Variants in ACTR3C observed in about 807,000 individuals in gnomAD.
The protein encoded by ACTR3C is actin related protein 3C, also known as actin-related protein 3C.
Under a neutral mutation model 26.3 loss-of-function variants are expected in ACTR3C, and 18 were observed. That is an observed-to-expected ratio of 0.68 (90% CI 0.47 to 1.01). The LOEUF is 1.01. Among genes scored for constraint, ACTR3C ranks in the 50% least tolerant of loss-of-function variants. The probability of loss-of-function intolerance (pLI) is 0.00; values close to 1 mark genes in which losing one functional copy is unlikely to be tolerated. For missense variants in ACTR3C, 184 were observed against 250.7 expected (o/e 0.73, Z 1.80); for synonymous variants, 55 against 94.5 (o/e 0.58, Z 2.42).
the ACTR3C span, among the ~76,000 whole-genome samples, chr7:150,207,901 T>A: frequency 1.3e-5 from 2 of 149,658 alleles, no homozygotes; most frequent in African/African-American, 5.1e-5. Flanking sequence ...GCCCATTTTA[T>A]TTTAAAGTCA....
chr7:149,952,538 A>T, the ACTR3C span, among the ~76,000 whole-genome samples: 1 of 145,038 alleles, frequency 6.9e-6, no homozygotes, highest in African/African-American at 2.7e-5. Flanking sequence ...AGCTCAGAGT[A>T]TGGGGGGGAT....
At chr7:149,897,248 T>C in the ACTR3C span, among the ~76,000 whole-genome samples, 2 of 152,162 alleles carry the variant, frequency 1.3e-5, no homozygotes, top group African/African-American at 2.4e-5. Flanking sequence ...TTGCTGCTTC[T>C]ACTGGGTATA....
chr7:149,917,768 C>T, the ACTR3C span, among the ~76,000 whole-genome samples: 29 of 151,322 alleles, frequency 1.9e-4, no homozygotes, highest in Non-Finnish European at 2.9e-4. Context: ...CCTGAGTGGC[C>T]GAGACTATAG....
At chr7:150,015,425 A>G in the ACTR3C span, among the ~76,000 whole-genome samples, 1 of 152,172 alleles carries the variant, frequency 6.6e-6, no homozygotes, top group Non-Finnish European at 1.5e-5. Context: ...TAAAGTAAAC[A>G]TCCATTTTCC....
At chr7:150,254,724 T>C (rs1833088991) in intron 6 of ACTR3C, among the ~76,000 whole-genome samples, 1 of 152,164 alleles carries the variant, frequency 6.6e-6, no homozygotes, top group Non-Finnish European at 1.5e-5. Context: ...GGCAGGTGGA[T>C]TTAAGACTGA....
At chr7:150,314,274 A>C (rs1412321351) in intron 1 of ACTR3C, among the ~76,000 whole-genome samples, 1 of 152,196 alleles carries the variant, frequency 6.6e-6, no homozygotes, top group African/African-American at 2.4e-5. Flanking sequence ...CCTGGATTTA[A>C]CCTAGAAGCT....
At chr7:149,940,151 C>G in the ACTR3C span, among the ~76,000 whole-genome samples, 1 of 152,218 alleles carries the variant, frequency 6.6e-6, no homozygotes, top group African/African-American at 2.4e-5. Flanking sequence ...ACCTACCTAC[C>G]TATCTATACC....
At chr7:150,229,280 T>A in the ACTR3C span, among the ~76,000 whole-genome samples, 5 of 152,096 alleles carry the variant, frequency 3.3e-5, no homozygotes, top group Non-Finnish European at 5.9e-5. Flanking sequence ...AGGGAAAGCA[T>A]CCAGTGTCTG....
intron 1 of ACTR3C, among the ~76,000 whole-genome samples, chr7:150,306,675 G>A (rs964517457): frequency 1.6e-4 from 24 of 152,254 alleles, no homozygotes; most frequent in Admixed American, 1.0e-3. Context: ...AGCGAGACCC[G>A]GTTTGGAGAA....
At chr7:149,904,838 A>G in the ACTR3C span, among the ~76,000 whole-genome samples, 1 of 151,132 alleles carries the variant, frequency 6.6e-6, no homozygotes, top group Non-Finnish European at 1.5e-5. Flanking sequence ...TACTAAAAAT[A>G]CAAAAATTAG....
At chr7:150,192,699 T>G in the ACTR3C span, among the ~76,000 whole-genome samples, 1 of 152,234 alleles carries the variant, frequency 6.6e-6, no homozygotes, top group South Asian at 2.1e-4. Context: ...TCAATTTATT[T>G]AATTGATAAC....
the ACTR3C span, among the ~76,000 whole-genome samples, chr7:150,108,952 C>G: frequency 1.3e-5 from 2 of 151,868 alleles, no homozygotes; most frequent in Non-Finnish European, 2.9e-5. Context: ...AGTGTGTGGA[C>G]TCAGCACATC....
the ACTR3C span, among the ~76,000 whole-genome samples, chr7:149,977,334 A>G: frequency 6.6e-6 from 1 of 152,326 alleles, no homozygotes; most frequent in South Asian, 2.1e-4. Context: ...ACTGGGACCC[A>G]AGATAGCCAC....
chr7:150,167,887 T>G, the ACTR3C span, among the ~76,000 whole-genome samples: 3 of 150,858 alleles, frequency 2.0e-5, no homozygotes, highest in South Asian at 6.2e-4. Context: ...ACAAATTCTT[T>G]AGAATTTATT....
the ACTR3C span, among the ~76,000 whole-genome samples, chr7:150,181,883 G>A: frequency 3.3e-5 from 5 of 150,498 alleles, no homozygotes; most frequent in South Asian, 2.1e-4. Context: ...ATCCCCTTGT[G>A]CCAGACCCTG....
chr7:150,117,808 G>A, the ACTR3C span, among the ~76,000 whole-genome samples: 1 of 152,214 alleles, frequency 6.6e-6, no homozygotes, highest in Non-Finnish European at 1.5e-5. Flanking sequence ...CCCAGCAGAG[G>A]TCGATAGACA....
chr7:149,931,532 C>T, the ACTR3C span, among the ~76,000 whole-genome samples: 1 of 152,180 alleles, frequency 6.6e-6, no homozygotes, highest in South Asian at 2.1e-4. Context: ...CAGGTTTGCA[C>T]CCACAGTGAC....
At chr7:150,179,094 C>A in the ACTR3C span, among the ~76,000 whole-genome samples, 93,020 of 142,370 alleles carry the variant, frequency 0.65, 31,884 homozygotes, top group East Asian at 0.83. Flanking sequence ...TTCCCAAACC[C>A]GTCTACAAAC....
At chr7:149,903,916 G>GT in the ACTR3C span, among the ~76,000 whole-genome samples, 2 of 107,408 alleles carry the variant, frequency 1.9e-5, no homozygotes, top group African/African-American at 5.8e-5. Context: ...TGTTGTTGTT[G>GT]TTGTTGTTGT....
Sources: gnomAD v4.1 joint callset for allele counts (sites outside exome capture counted in the v4.1 genomes callset) on GRCh38, gnomAD v4.1.1 for gene constraint, MANE v1.5 for transcripts, NCBI Gene and HGNC (gene_info 2026-07-23, HGNC 2026-07-21) for gene names.